The following KMT2C variants were observed in gnomAD, a reference collection of about 807,000 sequenced individuals.
KMT2C encodes the protein histone-lysine N-methyltransferase 2C.
Under a neutral mutation model 507.9 loss-of-function variants are expected in KMT2C, and 88 were observed. The ratio of observed to expected loss-of-function variants is 0.17; its 90% CI spans 0.15 to 0.21. The LOEUF (loss-of-function observed/expected upper bound fraction) is 0.21. Among genes scored for constraint, KMT2C ranks in the 10% least tolerant of loss-of-function variants. The probability of loss-of-function intolerance (pLI) is 1.00; values close to 1 mark genes in which losing one functional copy is unlikely to be tolerated. For synonymous variants in KMT2C, 2,049 were observed against 2,080.8 expected (o/e 0.98, Z 0.42); for missense variants, 4,954 against 5,957.8 (o/e 0.83, Z 5.55).
intron 1 of KMT2C, among the ~76,000 whole-genome samples, chr7:152,384,548 A>C (rs1224072319): frequency 5.6e-4 from 35 of 62,230 alleles, no homozygotes; most frequent in East Asian, 2.7e-3. Context: ...CATGTGCATA[A>C]CACCACCACC....
rs1168230180 is a variant in KMT2C at position 152,163,026 on chromosome 7, A to T, written c.10551T>A (p.Pro3517=). 2 of 1,614,102 alleles carry T rather than the reference A, an allele frequency of 1.2e-6. No homozygotes were observed. Among genetic ancestry groups the T allele is most frequent in the Admixed American group, 1.7e-5 (1 of 60,012 alleles). Residue 3517 remains proline (P), a synonymous_variant, in exon 43 of 59, where the codon CCT becomes CCA. Coordinates refer to ENST00000262189, the MANE Select transcript of KMT2C (RefSeq NM_170606.3). ...TTCCAACAGGGATTGATGGTGAATC[A>T]GGAACAAATGAAGGAGGGCCTACCT... is the stretch of plus-strand genomic sequence containing the variant. The part of the protein sequence containing the change: ...RRQVGPPSFV[P]DSPSIPVGSP...
chr7:152,200,142 C>T (rs1424427771), intron 26 of KMT2C, among the ~76,000 whole-genome samples: 1 of 152,150 alleles, frequency 6.6e-6, no homozygotes, highest in East Asian at 1.9e-4. Context: ...AGTCTATATC[C>T]TATGATGTAG....
intron 55 of KMT2C, among the ~76,000 whole-genome samples, chr7:152,141,380 T>C (rs2090518233): frequency 6.6e-6 from 1 of 151,720 alleles, no homozygotes; most frequent in Non-Finnish European, 1.5e-5. Context: ...TAGTAACTGG[T>C]ATTAAAATTC....
chr7:152,289,939 C>T (rs900787277), intron 6 of KMT2C, among the ~76,000 whole-genome samples: 27 of 151,874 alleles, frequency 1.8e-4, no homozygotes, highest in African/African-American at 6.3e-4. Context: ...CCCAGCTACT[C>T]AGGAGGCTGA....
chr7:152,349,393 A>G (rs10228402), intron 2 of KMT2C, among the ~76,000 whole-genome samples: 95,813 of 151,586 alleles, frequency 0.63, 31,784 homozygotes, highest in African/African-American at 0.84. Context: ...GCAGTGGGCC[A>G]AGATCACACC....
chr7:152,370,548 A>G (rs115748187), intron 1 of KMT2C, among the ~76,000 whole-genome samples: 3,110 of 152,316 alleles, frequency 0.02, 112 homozygotes, highest in African/African-American at 0.07. Context: ...AATCAGGCAA[A>G]GACAGTACAA....
At chr7:152,210,282 C>A (rs987525565) in intron 23 of KMT2C, among the ~76,000 whole-genome samples, 2 of 152,122 alleles carry the variant, frequency 1.3e-5, no homozygotes, top group African/African-American at 4.8e-5. Context: ...ACAAATCACC[C>A]CACTAAACTT....
chr7:152,209,773 G>A (rs2094410659), intron 23 of KMT2C, among the ~76,000 whole-genome samples: 1 of 150,358 alleles, frequency 6.7e-6, no homozygotes. Context: ...CAATAGGAAA[G>A]GAGAAAAACA....
At position 152,163,414 on chromosome 7, in the gene KMT2C, T is replaced by C. The variant is rs200302468; in HGVS notation, c.10163A>G (p.Asn3388Ser). The C allele has an allele frequency of 4.3e-6, 7 of 1,614,242 alleles. No individual in the cohort carries two copies. The highest frequency in any genetic ancestry group is 1.1e-5 in the South Asian group (1 of 91,088). ...TTGAAAACTTTCACTAAAGGGATTG[T>C]TGTCATCAAATTCTACCCGAGGTGG... ...GPPPRVEFDD[N>S]NPFSESFQER... is the part of the protein sequence containing the mutation. The change falls in exon 43 of 59, where the codon AAC (asparagine) becomes AGC (serine). Residue 3388 changes from asparagine (N) to serine (S), a missense_variant. Physicochemically the swap from Asn to Ser is conservative, Grantham distance 46 (BLOSUM62 1). Transcript: ENST00000262189.
At chr7:152,243,954 C>T (rs762682518) in intron 14 of KMT2C, among the ~76,000 whole-genome samples, 25 of 152,102 alleles carry the variant, frequency 1.6e-4, no homozygotes, top group South Asian at 6.2e-4. Flanking sequence ...TTCTATAAGA[C>T]GTGATGATAC....
intron 23 of KMT2C, among the ~76,000 whole-genome samples, chr7:152,216,377 T>C (rs1199433153): frequency 2.6e-5 from 4 of 152,184 alleles, no homozygotes; most frequent in Non-Finnish European, 4.4e-5. Context: ...TAAAAATAAA[T>C]AGAAACAAAA....
intron 3 of KMT2C, among the ~76,000 whole-genome samples, chr7:152,325,803 C>T (rs969726222): frequency 1.3e-5 from 2 of 152,076 alleles, no homozygotes; most frequent in Admixed American, 6.6e-5. Flanking sequence ...TCTTTCCTTA[C>T]CCCAAAGCAA....
chr7:152,416,272 G>A (rs111396181), intron 1 of KMT2C, among the ~76,000 whole-genome samples: 62 of 151,064 alleles, frequency 4.1e-4, no homozygotes, highest in African/African-American at 1.3e-3. Flanking sequence ...TAGGCCAGGC[G>A]CGATGGCTCA....
At chr7:152,171,680 A>C (rs2092968707) in intron 39 of KMT2C, among the ~76,000 whole-genome samples, 1 of 152,232 alleles carries the variant, frequency 6.6e-6, no homozygotes, top group South Asian at 2.1e-4. Context: ...GCCTCACTCC[A>C]CTTTACGATA....
intron 31 of KMT2C, among the ~76,000 whole-genome samples, 200 bp from the exon 32 acceptor site, chr7:152,188,047 G>C (rs2093676972): frequency 6.6e-6 from 1 of 152,106 alleles, no homozygotes; most frequent in South Asian, 2.1e-4. Context: ...AAGCTCCATA[G>C]GGCCAACATT....
At chr7:152,179,519 T>C (rs982636232) in intron 37 of KMT2C, among the ~76,000 whole-genome samples, 5 of 152,210 alleles carry the variant, frequency 3.3e-5, no homozygotes, top group Non-Finnish European at 5.9e-5. Flanking sequence ...AAAATGTCTA[T>C]GACCTCTCAT....
intron 1 of KMT2C, among the ~76,000 whole-genome samples, chr7:152,365,873 G>A (rs142904270): frequency 1.4e-4 from 22 of 152,046 alleles, no homozygotes; most frequent in Non-Finnish European, 2.8e-4. Context: ...GTAGTCCTGG[G>A]TACTCAGGAG....
At chr7:152,348,031 G>A (rs1589350568) in intron 2 of KMT2C, among the ~76,000 whole-genome samples, 1 of 152,152 alleles carries the variant, frequency 6.6e-6, no homozygotes, top group East Asian at 1.9e-4. Context: ...CAGATCCCAT[G>A]GAATCTTAAA....
intron 1 of KMT2C, among the ~76,000 whole-genome samples, chr7:152,427,434 A>G (rs139580297): frequency 6.6e-6 from 1 of 152,202 alleles, no homozygotes; most frequent in Admixed American, 6.5e-5. Context: ...ACTGCTTTAC[A>G]ACTTTTGGAA....
Sources: gnomAD v4.1 joint callset for allele counts (sites outside exome capture counted in the v4.1 genomes callset) on GRCh38, gnomAD v4.1.1 for gene constraint, MANE v1.5 for transcripts, NCBI Gene and HGNC (gene_info 2026-07-23, HGNC 2026-07-21) for gene names.